Variants in NTM observed in about 807,000 individuals in gnomAD.
The protein encoded by NTM is neurotrimin, also known as IgLON family member 2.
In NTM, 13 loss-of-function variants were observed where a neutral mutation model predicts 42.1. That is an observed-to-expected ratio of 0.31 (90% CI 0.20 to 0.49). The LOEUF (loss-of-function observed/expected upper bound fraction) is 0.49. Ranked by LOEUF, NTM falls within the 20% of genes least tolerant of loss-of-function variation. NTM has a pLI of 0.99. For missense variants in NTM, 373 were observed against 452.8 expected (o/e 0.82, Z 1.60); for synonymous variants, 187 against 179.2 (o/e 1.04, Z -0.35).
intron 2 of NTM, among the ~76,000 whole-genome samples, chr11:132,138,907 A>G (rs1365811292): frequency 1.3e-5 from 2 of 152,174 alleles, no homozygotes; most frequent in African/African-American, 2.4e-5. Flanking sequence ...ATAACGTGCT[A>G]CCAGCTGTCT....
chr11:131,746,377 T>C (rs2081832246), intron 1 of NTM, among the ~76,000 whole-genome samples: 1 of 152,012 alleles, frequency 6.6e-6, no homozygotes, highest in Non-Finnish European at 1.5e-5. Flanking sequence ...AATGGGGAGC[T>C]CTCCACTGAC....
Position 132,283,001 on chromosome 11 carries a change from T to A in NTM, c.527-24688T>A, listed in dbSNP as rs1220298611. On this transcript the variant is annotated intron_variant, in intron 4 of 8. Coordinates refer to ENST00000683400, the MANE Select transcript of NTM (RefSeq NM_001352005.2). ...CTTTTTTTTTTTTTTTTTTTTTTTTTATTTGAGACAGAGTCTCGCTCTGTC... is the reference window on the plus strand; with the variant it reads ...CTTTTTTTTTTTTTTTTTTTTTTTTAATTTGAGACAGAGTCTCGCTCTGTC... Among the ~76,000 whole-genome samples, 81 of 103,566 alleles carry A rather than the reference T, an allele frequency of 7.8e-4. No homozygotes were observed. The South Asian group carries it at 0.019, about 24-fold the overall frequency. 67.9% of individuals were successfully genotyped at this position (103,566 alleles called of 152,430 possible).
At chr11:132,266,953 T>C (rs1431799153) in intron 4 of NTM, among the ~76,000 whole-genome samples, 1 of 152,216 alleles carries the variant, frequency 6.6e-6, no homozygotes, top group Non-Finnish European at 1.5e-5. Context: ...TAGAGGTTGT[T>C]AGTCCTCATC....
intron 1 of NTM, among the ~76,000 whole-genome samples, chr11:131,781,711 C>A (rs904852450): frequency 2.0e-5 from 3 of 152,138 alleles, no homozygotes; most frequent in African/African-American, 7.2e-5. Flanking sequence ...TGAATCATTG[C>A]TTTTCAGATA....
At chr11:132,105,957 C>T (rs918062754) in intron 2 of NTM, among the ~76,000 whole-genome samples, 1 of 152,168 alleles carries the variant, frequency 6.6e-6, no homozygotes, top group Non-Finnish European at 1.5e-5. Flanking sequence ...CAAGTCCCTG[C>T]TGTAATCCCA....
chr11:131,783,820 T>A (rs769188309), intron 1 of NTM, among the ~76,000 whole-genome samples: 29 of 152,240 alleles, frequency 1.9e-4, no homozygotes, highest in Middle Eastern at 3.4e-3. Context: ...TTTTACTCTG[T>A]GGATGTGTAA....
intron 1 of NTM, among the ~76,000 whole-genome samples, chr11:131,767,502 G>A (rs2085314484): frequency 6.6e-6 from 1 of 152,210 alleles, no homozygotes; most frequent in South Asian, 2.1e-4. Context: ...TTAGGAGGGG[G>A]ACTCTGGGAG....
intron 1 of NTM, among the ~76,000 whole-genome samples, chr11:131,684,432 C>T (rs965994897): frequency 6.6e-6 from 1 of 152,234 alleles, no homozygotes; most frequent in East Asian, 1.9e-4. Flanking sequence ...GCCTGGAAAC[C>T]TTTTCTCAAC....
intron 2 of NTM, among the ~76,000 whole-genome samples, chr11:131,929,545 G>A (rs1335387648): frequency 1.3e-5 from 2 of 151,304 alleles, no homozygotes; most frequent in Non-Finnish European, 2.9e-5. Flanking sequence ...TTTTCTTTGC[G>A]TTTTTGTGTT....
At chr11:131,850,797 C>A (rs546744609) in intron 1 of NTM, among the ~76,000 whole-genome samples, 1 of 152,280 alleles carries the variant, frequency 6.6e-6, no homozygotes, top group South Asian at 2.1e-4. Flanking sequence ...AAACAAACTG[C>A]AGCATCTTTT....
chr11:131,900,908 G>A (rs2137703601), intron 1 of NTM, among the ~76,000 whole-genome samples: 1 of 152,002 alleles, frequency 6.6e-6, no homozygotes, highest in South Asian at 2.1e-4. Context: ...AAAATGTTTG[G>A]GCCAACACTT....
Position 132,257,442 on chromosome 11 carries a change from T to G in NTM, c.526+45295T>G, listed in dbSNP as rs536393718. ...ATGGTGCCACCAGAGGGTGAGAACT[T>G]GAGCAGGTGCAGGTAAGAGCTAACG... On this transcript the variant is annotated intron_variant, in intron 4 of 8. Transcript: ENST00000683400. Among the ~76,000 whole-genome samples the G allele has an allele frequency of 2.0e-5, 3 of 152,246 alleles. 1 individual carries two copies. In the South Asian group the frequency reaches 6.2e-4, roughly 32 times the overall value.
At chr11:131,730,453 A>T (rs1162546701) in intron 1 of NTM, among the ~76,000 whole-genome samples, 1 of 152,148 alleles carries the variant, frequency 6.6e-6, no homozygotes, top group African/African-American at 2.4e-5. Flanking sequence ...GGTGGCTCAC[A>T]TCTATAGCTC....
chr11:131,735,852 G>C (rs2080361222), intron 1 of NTM, among the ~76,000 whole-genome samples: 1 of 151,730 alleles, frequency 6.6e-6, no homozygotes, highest in African/African-American at 2.4e-5. Context: ...GTGTGTGTGT[G>C]TGTGTGTGTG....
intron 4 of NTM, among the ~76,000 whole-genome samples, chr11:132,246,598 T>C (rs2091203306): frequency 6.6e-6 from 1 of 152,234 alleles, no homozygotes; most frequent in Admixed American, 6.5e-5. Context: ...AATATTCAAA[T>C]AATTTTGTGT....
chr11:131,959,203 C>T (rs768117584), intron 2 of NTM, among the ~76,000 whole-genome samples: 12 of 152,250 alleles, frequency 7.9e-5, no homozygotes, highest in African/African-American at 1.2e-4. Context: ...ATGGGCTGCC[C>T]GCAGATTTGC....
chr11:131,412,529 GTCC>G (rs769914522), intron 1 of NTM, among the ~76,000 whole-genome samples: 4 of 152,096 alleles, frequency 2.6e-5, no homozygotes, highest in South Asian at 2.1e-4. Context: ...AGACAAAACT[GTCC>G]TCCTCTCTCC....
At chr11:132,257,213 G>C (rs1173820742) in intron 4 of NTM, among the ~76,000 whole-genome samples, 1 of 152,234 alleles carries the variant, frequency 6.6e-6, no homozygotes, top group Non-Finnish European at 1.5e-5. Context: ...TAGGGCCTCT[G>C]CTGAGAGGGC....
intron 1 of NTM, among the ~76,000 whole-genome samples, chr11:131,767,846 A>G (rs1459521136): frequency 6.6e-6 from 1 of 152,130 alleles, no homozygotes; most frequent in Non-Finnish European, 1.5e-5. Context: ...TTCATGAGAC[A>G]TCCAAGCGAG....
Sources: gnomAD v4.1 joint callset for allele counts (sites outside exome capture counted in the v4.1 genomes callset) on GRCh38, gnomAD v4.1.1 for gene constraint, MANE v1.5 for transcripts, NCBI Gene and HGNC (gene_info 2026-07-23, HGNC 2026-07-21) for gene names.